NBPF15: variants seen among roughly 807,000 people sequenced by gnomAD.
NBPF15 encodes the protein NBPF family member NBPF15.
NBPF15 carries 74 observed loss-of-function variants against 62.2 expected under a neutral mutation model. That is an observed-to-expected ratio of 1.19 (90% CI 0.99 to 1.44). The LOEUF (loss-of-function observed/expected upper bound fraction) is 1.44. Ranked by LOEUF, NBPF15 falls within the 40% of genes most tolerant of loss-of-function variation. The pLI, the probability that NBPF15 is intolerant of heterozygous loss-of-function variation, is 0.00. For synonymous variants in NBPF15, 244 were observed against 209.7 expected (o/e 1.16, Z -1.41); for missense variants, 790 against 550.0 (o/e 1.44, Z -4.36).
In NBPF15 at chr1:144,439,806, G is replaced by T. The variant is rs1681483786; in HGVS notation, c.175+23C>A. 21 of 1,569,714 alleles carry T rather than the reference G, an allele frequency of 1.3e-5. No individual in the cohort carries two copies. The South Asian group carries it at 2.3e-4, about 17-fold the overall frequency. On this transcript the variant is annotated intron_variant, in intron 8 of 21. Transcript: ENST00000581897. ...ACAGGACATCATTCATCACTTTCAT[G>T]ACGGTGAGCCTATAGATCTTACTGT...
intron 4 of NBPF15, among the ~76,000 whole-genome samples, 177 bp from the exon 5 acceptor site, chr1:144,451,047 T>C (rs1209597452): frequency 6.6e-6 from 1 of 152,038 alleles, no homozygotes; most frequent in Non-Finnish European, 1.5e-5. Flanking sequence ...ATGCCAGCAC[T>C]GGCCTCTGAG....
intron 8 of NBPF15, among the ~76,000 whole-genome samples, chr1:144,439,340 A>G (rs1218237244): frequency 6.6e-6 from 1 of 151,640 alleles, no homozygotes; most frequent in Admixed American, 6.6e-5. Context: ...TTAGGAGTAG[A>G]CTCCTCTTGA....
intron 15 of NBPF15, 127 bp downstream of exon 15, chr1:144,428,479 G>A: frequency 1.1e-6 from 1 of 878,920 alleles, no homozygotes; most frequent in Non-Finnish European, 1.9e-6. Context: ...AAAAAGCAAT[G>A]TAGTAGGCAT....
chr1:144,428,178 G>GACACACACACACACACAC (rs782021320), intron 15 of NBPF15, among the ~76,000 whole-genome samples, 188 bp from the exon 16 acceptor site: 8 of 132,522 alleles, frequency 6.0e-5, no homozygotes, highest in African/African-American at 2.0e-4. Context: ...GAAAGAGAAA[G>GACACACACACACACACAC]ACACACACAC....
chr1:144,443,544 G>T (rs1273376785), intron 6 of NBPF15, among the ~76,000 whole-genome samples: 2 of 151,660 alleles, frequency 1.3e-5, no homozygotes, highest in Non-Finnish European at 1.5e-5. Flanking sequence ...TAACAAAATT[G>T]AGTCTTCCAA....
chr1:144,442,451 C>A (rs1233948687), intron 6 of NBPF15, among the ~76,000 whole-genome samples: 1 of 145,464 alleles, frequency 6.9e-6, no homozygotes. Context: ...TTTTAAGTGG[C>A]GGAGCGAGGG....
intron 14 of NBPF15, among the ~76,000 whole-genome samples, chr1:144,429,046 A>G (rs1372020445): frequency 1.1e-4 from 16 of 151,892 alleles, no homozygotes; most frequent in Non-Finnish European, 2.2e-4. Context: ...GGACACAGAG[A>G]TTTGATGAAG....
rs587705003 is a variant in NBPF15, at chr1:144,422,889, G to A, written c.*124C>T. On this transcript the variant is annotated 3_prime_UTR_variant, in exon 22 of 22. Coordinates refer to ENST00000581897, the MANE Select transcript of NBPF15 (RefSeq NM_001385408.1). ...ATGGCATGGTTTGAGAATAGGAATA[G>A]AGCCATGCTCACTGACCCATCCTAT... The A allele has an allele frequency of 1.6e-4, 262 of 1,601,952 alleles. 5 individuals carry two copies. In the South Asian group the frequency reaches 2.4e-3, roughly 15 times the overall value.
In NBPF15 at chr1:144,422,751, C is replaced by A. The variant is rs1281546969; in HGVS notation, c.*262G>T. ...GGAATTTTGTAGCTACCCAGAGATA[C>A]GTGGTTCAAATTAAAATGTCTGACT... On this transcript the variant is annotated 3_prime_UTR_variant, in exon 22 of 22. Coordinates refer to ENST00000581897, the MANE Select transcript of NBPF15 (RefSeq NM_001385408.1). The A allele has an allele frequency of 1.1e-5, 8 of 757,824 alleles. No homozygotes were observed. Among genetic ancestry groups the A allele is most frequent in the Non-Finnish European group, 1.6e-5 (8 of 485,968 alleles). The allele number at this position is 757,824 out of a possible 1,614,324, so 46.9% of individuals were successfully genotyped here. A position where few individuals can be genotyped will look rare whatever the true frequency, so the allele number is the denominator to read the frequency against.
chr1:144,455,501 A>G (rs1395557104), intron 4 of NBPF15, among the ~76,000 whole-genome samples: 118 of 152,024 alleles, frequency 7.8e-4, no homozygotes, highest in Non-Finnish European at 1.3e-3. Flanking sequence ...TGCCAGAGAC[A>G]CTGAGTCTTG....
chr1:144,439,798 A>C, intron 8 of NBPF15, 31 bp downstream of exon 8: 1 of 1,542,854 alleles, frequency 6.5e-7, no homozygotes, highest in Non-Finnish European at 8.9e-7. Context: ...ATCATTCATC[A>C]CTTTCATGAC....
intron 6 of NBPF15, chr1:144,440,695 C>G (rs1266977077): frequency 6.5e-6 from 1 of 154,042 alleles, no homozygotes; most frequent in Non-Finnish European, 1.4e-5. Flanking sequence ...CTCTGTCGCC[C>G]AGGCTGGAGT....
intron 6 of NBPF15, among the ~76,000 whole-genome samples, chr1:144,448,263 C>G (rs1164125921): frequency 5.9e-5 from 9 of 152,062 alleles, no homozygotes; most frequent in African/African-American, 2.2e-4. Flanking sequence ...TTCTGTGACT[C>G]TGGTTTCTTT....
In NBPF15 at chr1:144,423,079, C is replaced by T. The variant is rs782631116; in HGVS notation, c.1947G>A (p.Arg649=). ...GACTTGTCACCGTCAAAGTAAAAAA[C>T]CTATTGTCCACGTAAAGGGCGAAGC... ...HISFALYVDN[R]FFTLTVTSLH... Residue 649 remains arginine (R), a synonymous_variant, in exon 22 of 22, where the codon AGG becomes AGA. Transcript: ENST00000581897. The T allele has an allele frequency of 7.4e-6, 12 of 1,611,536 alleles. No homozygotes were observed. The highest frequency in any genetic ancestry group is 6.7e-5 in the African/African-American group (5 of 74,786).
intron 5 of NBPF15, among the ~76,000 whole-genome samples, chr1:144,450,276 T>C (rs1205966987): frequency 7.3e-6 from 1 of 137,860 alleles, no homozygotes; most frequent in African/African-American, 2.8e-5. Flanking sequence ...CAGAGCTTTG[T>C]GTGGCTGGTT....
rs1553539226 is a variant in NBPF15, at chr1:144,426,297, G to A, written c.1419C>T (p.Gly473=). The A allele has an allele frequency of 4.8e-6, 3 of 624,870 alleles. No individual in the cohort carries two copies. Among genetic ancestry groups the A allele is most frequent in the Non-Finnish European group, 8.5e-6 (3 of 354,290 alleles). The allele number at this position is 624,870 out of a possible 1,614,324, so 38.7% of individuals were successfully genotyped here. The change falls in exon 18 of 22, where the codon GGC becomes GGT. Residue 473 remains glycine (G), a synonymous_variant. Coordinates refer to ENST00000581897, the MANE Select transcript of NBPF15 (RefSeq NM_001385408.1). Reference sequence around the variant, plus strand: ...ACTCACTGTCCACGTCAAGAGCCAAGCCAAGGTACTGTTCCTCCAATGAGT... The same window carrying A: ...ACTCACTGTCCACGTCAAGAGCCAAACCAAGGTACTGTTCCTCCAATGAGT... The part of the protein sequence containing the change: ...AVYSLEEQYL[G]LALDVDRIKK...
At chr1:144,461,154 C>T (rs1197563271) in intron 1 of NBPF15, among the ~76,000 whole-genome samples, 193 bp from the exon 2 acceptor site, 7 of 151,922 alleles carry the variant, frequency 4.6e-5, no homozygotes, top group African/African-American at 1.7e-4. Flanking sequence ...CCCTCCACCC[C>T]CTGAGATGCC....
chr1:144,452,799 G>A, intron 4 of NBPF15, among the ~76,000 whole-genome samples: 1 of 147,734 alleles, frequency 6.8e-6, no homozygotes, highest in East Asian at 2.0e-4. Context: ...AGGTCACAGG[G>A]AAAACTGCCA....
intron 21 of NBPF15, 36 bp downstream of exon 21, chr1:144,423,834 A>C: frequency 1.3e-6 from 1 of 762,772 alleles, no homozygotes; most frequent in Non-Finnish European, 2.4e-6. Flanking sequence ...CCAGGTGTTA[A>C]CACAGAATTA....
Sources: gnomAD v4.1 joint callset for allele counts (sites outside exome capture counted in the v4.1 genomes callset) on GRCh38, gnomAD v4.1.1 for gene constraint, MANE v1.5 for transcripts, NCBI Gene and HGNC (gene_info 2026-07-23, HGNC 2026-07-21) for gene names.